Variants in EYS observed in about 807,000 individuals in gnomAD.
EYS encodes the protein EGF-like photoreceptor maintenance factor.
In EYS, 250 loss-of-function variants were observed where a neutral mutation model predicts 282.1. The ratio of observed to expected loss-of-function variants is 0.89; its 90% CI spans 0.80 to 0.98. The LOEUF (loss-of-function observed/expected upper bound fraction) is 0.98, where lower values mean the gene tolerates loss of function less well. Among genes scored for constraint, EYS ranks in the 50% least tolerant of loss-of-function variants. EYS has a pLI of 0.00. For synonymous variants in EYS, 1,355 were observed against 1,282.9 expected, an observed-to-expected ratio of 1.06 and a Z score of -1.20; for missense variants, 4,016 against 3,709.0, an observed-to-expected ratio of 1.08 and a Z score of -2.15.
At chr6:64,546,987 G>A (rs1028618104) in intron 26 of EYS, among the ~76,000 whole-genome samples, 6 of 152,244 alleles carry the variant, frequency 3.9e-5, no homozygotes, top group East Asian at 3.9e-4. Flanking sequence ...ACGGAACCTC[G>A]CGGTGAGTGT....
intron 12 of EYS, among the ~76,000 whole-genome samples, chr6:65,273,924 C>A (rs1767972442): frequency 6.6e-6 from 1 of 152,096 alleles, no homozygotes; most frequent in South Asian, 2.1e-4. Context: ...ACAATCAGAC[C>A]TTTTAAGGAC....
At chr6:64,045,309 C>T (rs1245832787) in intron 33 of EYS, among the ~76,000 whole-genome samples, 2 of 151,722 alleles carry the variant, frequency 1.3e-5, no homozygotes, top group Non-Finnish European at 2.9e-5. Flanking sequence ...AACGTTTTTA[C>T]TGAGGTGGAT....
intron 28 of EYS, among the ~76,000 whole-genome samples, chr6:64,417,878 G>T (rs1774108802): frequency 6.6e-6 from 1 of 151,912 alleles, no homozygotes; most frequent in African/African-American, 2.4e-5. Flanking sequence ...CACCATATAG[G>T]CCAGGCTAGT....
intron 26 of EYS, among the ~76,000 whole-genome samples, chr6:64,545,501 G>A (rs544287672): frequency 3.0e-4 from 45 of 152,298 alleles, no homozygotes; most frequent in East Asian, 1.9e-4. Flanking sequence ...ATTCAACGTA[G>A]TGTTGGAAGT....
intron 30 of EYS, among the ~76,000 whole-genome samples, chr6:64,280,012 C>A (rs920621575): frequency 6.6e-6 from 1 of 152,088 alleles, no homozygotes; most frequent in Non-Finnish European, 1.5e-5. Flanking sequence ...CGGCAGTATG[C>A]AGAGAAAGAA....
chr6:65,014,128 G>A (rs967643368), intron 13 of EYS, among the ~76,000 whole-genome samples: 55 of 152,138 alleles, frequency 3.6e-4, no homozygotes, highest in African/African-American at 1.3e-3. Context: ...AATGGCATCT[G>A]GTTTGCAGCA....
chr6:65,316,199 A>G (rs913755876), intron 11 of EYS, among the ~76,000 whole-genome samples: 2 of 152,168 alleles, frequency 1.3e-5, no homozygotes, highest in South Asian at 4.1e-4. Flanking sequence ...GCTTGTTTTT[A>G]TAGTCTCTAA....
intron 26 of EYS, among the ~76,000 whole-genome samples, chr6:64,441,685 C>A (rs151294316): frequency 6.6e-6 from 1 of 152,102 alleles, no homozygotes; most frequent in African/African-American, 2.4e-5. Context: ...TTTTCCTGTG[C>A]TGTTCTTGCA....
At chr6:65,236,486 T>A (rs956331848) in intron 12 of EYS, among the ~76,000 whole-genome samples, 1 of 151,920 alleles carries the variant, frequency 6.6e-6, no homozygotes, top group Non-Finnish European at 1.5e-5. Flanking sequence ...TGGTGCACGC[T>A]TGTTTTCCTA....
At chr6:64,550,081 G>T (rs1203999960) in intron 26 of EYS, among the ~76,000 whole-genome samples, 1 of 152,026 alleles carries the variant, frequency 6.6e-6, no homozygotes, top group Non-Finnish European at 1.5e-5. Flanking sequence ...CTTTTTTATG[G>T]CTGCATAGTA....
intron 7 of EYS, among the ~76,000 whole-genome samples, chr6:65,388,687 T>A (rs1422765278): frequency 2.6e-5 from 4 of 152,070 alleles, no homozygotes; most frequent in Non-Finnish European, 5.9e-5. Context: ...GCTCACCTTG[T>A]AAGCATTTAA....
At chr6:64,195,567 G>A (rs1470128452) in intron 31 of EYS, among the ~76,000 whole-genome samples, 1 of 152,034 alleles carries the variant, frequency 6.6e-6, no homozygotes, top group African/African-American at 2.4e-5. Context: ...CCAAAGTGCT[G>A]GTGTTAAAGG....
At chr6:64,289,035 C>T (rs1768604264) in intron 30 of EYS, among the ~76,000 whole-genome samples, 1 of 152,040 alleles carries the variant, frequency 6.6e-6, no homozygotes, top group Admixed American at 6.6e-5. Context: ...GATTCGGGTG[C>T]TTCATCTAAA....
intron 22 of EYS, among the ~76,000 whole-genome samples, chr6:64,658,234 T>A (rs1024065652): frequency 3.3e-5 from 5 of 152,320 alleles, no homozygotes; most frequent in Admixed American, 6.5e-5. Context: ...TCTGCATTGA[T>A]TATTCTAGTT....
chr6:64,093,893 G>C (rs1237706054), intron 31 of EYS, among the ~76,000 whole-genome samples: 3 of 152,244 alleles, frequency 2.0e-5, no homozygotes, highest in African/African-American at 7.2e-5. Flanking sequence ...CTGTGGATTT[G>C]TCATAGATAG....
At chr6:64,757,820 T>C (rs1773004502) in intron 22 of EYS, among the ~76,000 whole-genome samples, 1 of 151,974 alleles carries the variant, frequency 6.6e-6, no homozygotes. Flanking sequence ...AGTCTCGCTC[T>C]GTCGCCCAGG....
chr6:64,320,252 T>C (rs953013255), intron 29 of EYS, among the ~76,000 whole-genome samples: 29 of 152,108 alleles, frequency 1.9e-4, no homozygotes, highest in African/African-American at 5.1e-4. Flanking sequence ...ACAATTTTGT[T>C]ATTATTTCTT....
At chr6:64,021,090 A>G (rs1476050577) in intron 33 of EYS, among the ~76,000 whole-genome samples, 1 of 152,116 alleles carries the variant, frequency 6.6e-6, no homozygotes, top group East Asian at 1.9e-4. Flanking sequence ...CTTAATTGAG[A>G]AATGGTTCTC....
chr6:64,830,473 TCATAGCCTTACTAGGAGATTAAC>T (rs1765181483), intron 19 of EYS, among the ~76,000 whole-genome samples: 1 of 151,904 alleles, frequency 6.6e-6, no homozygotes, highest in Non-Finnish European at 1.5e-5. Context: ...AACAAAAAAG[TCATAGCCTTACTAGGAGATTAAC>T]TGTCAGGCAT....
Sources: allele counts gnomAD v4.1 joint callset (sites outside exome capture counted in the v4.1 genomes callset), GRCh38; gene constraint gnomAD v4.1.1; transcripts MANE v1.5; gene names NCBI Gene and HGNC (gene_info 2026-07-23, HGNC 2026-07-21).